The following GMDS variants were observed in gnomAD, a reference collection of about 807,000 sequenced individuals.
GMDS encodes GDP-mannose 4,6-dehydratase, also known as GDP-mannose 4,6 dehydratase.
In GMDS, 20 loss-of-function variants were observed where a neutral mutation model predicts 49.9. That is an observed-to-expected ratio of 0.40 (90% confidence interval 0.28 to 0.58). The LOEUF (loss-of-function observed/expected upper bound fraction) is 0.58. Among genes scored for constraint, GMDS ranks in the 20% least tolerant of loss-of-function variants. GMDS has a pLI of 0.42. For missense variants in GMDS, 362 were observed against 481.4 expected (o/e 0.75, Z 2.32); for synonymous variants, 177 against 178.6 (o/e 0.99, Z 0.07).
In GMDS at chr6:2,073,136, C is replaced by T. The variant is rs772069615; in HGVS notation, c.345+42635G>A. Among the ~76,000 whole-genome samples the T allele has an allele frequency of 7.9e-5, 12 of 152,250 alleles. 1 individual carries two copies. Among genetic ancestry groups the T allele is most frequent in the African/African-American group, 2.2e-4 (9 of 41,566 alleles). On this transcript the variant is annotated intron_variant, in intron 4 of 10. Coordinates refer to ENST00000380815, the MANE Select transcript of GMDS (RefSeq NM_001500.4). ...GATGCAGACCATGTTAATTTCTGCC[C>T]GCACCGCTTTGTGCCGAATGCACCA...
At chr6:1,743,281 C>T (rs374038162) in intron 7 of GMDS, among the ~76,000 whole-genome samples, 33 of 152,122 alleles carry the variant, frequency 2.2e-4, no homozygotes, top group African/African-American at 7.0e-4. Context: ...TAGCAGGGCG[C>T]GGTGGCTCAC....
intron 7 of GMDS, among the ~76,000 whole-genome samples, chr6:1,764,350 T>A (rs1322761889): frequency 2.0e-5 from 3 of 152,136 alleles, no homozygotes; most frequent in African/African-American, 7.2e-5. Flanking sequence ...TCTTTCCAAA[T>A]GAATTATTTT....
At chr6:2,134,730 A>G (rs1775908821) in intron 1 of GMDS, among the ~76,000 whole-genome samples, 1 of 124,896 alleles carries the variant, frequency 8.0e-6, no homozygotes, top group Admixed American at 7.1e-5. Context: ...GATTTGAGTC[A>G]TATAGTTAAG....
intron 7 of GMDS, among the ~76,000 whole-genome samples, chr6:1,799,204 G>A (rs1769852791): frequency 6.6e-6 from 1 of 152,138 alleles, no homozygotes; most frequent in South Asian, 2.1e-4. Context: ...GTGAGGGGAG[G>A]CAGCTAGTTC....
intron 4 of GMDS, among the ~76,000 whole-genome samples, chr6:1,993,750 G>A (rs202161591): frequency 2.3e-5 from 3 of 132,536 alleles, no homozygotes; most frequent in African/African-American, 5.6e-5. Flanking sequence ...AAAAAAAAAA[G>A]GCAGAAAAAG....
Position 2,115,802 on chromosome 6 carries a change from A to T in GMDS, c.314T>A (p.Ile105Asn), listed in dbSNP as rs1409828933. ...GTGGCTCTGGGCTCCAAGGTTGTAG[A>T]TCTCTGTGGGCTTTACTTCATTAAT... ...KIINEVKPTE[I>N]YNLGAQSHVK... Residue 105 changes from isoleucine to asparagine, a missense_variant, in exon 4 of 11, where the codon ATC becomes AAC. Coordinates refer to ENST00000380815, the MANE Select transcript of GMDS (RefSeq NM_001500.4). 1 of 1,604,598 alleles carries T rather than the reference A, an allele frequency of 6.2e-7. No individual in the cohort carries two copies. Among genetic ancestry groups the T allele is most frequent in the African/African-American group, 1.3e-5 (1 of 74,720 alleles).
At chr6:1,654,899 A>G (rs1338670467) in intron 9 of GMDS, among the ~76,000 whole-genome samples, 1 of 152,060 alleles carries the variant, frequency 6.6e-6, no homozygotes, top group African/African-American at 2.4e-5. Flanking sequence ...CATCTCTACT[A>G]AAAATACAAA....
chr6:1,765,045 C>G (rs897240286), intron 7 of GMDS, among the ~76,000 whole-genome samples: 2 of 151,926 alleles, frequency 1.3e-5, no homozygotes, highest in South Asian at 2.1e-4. Flanking sequence ...TTTTTTCCCC[C>G]CAGTGTGACT....
At chr6:1,729,417 T>C (rs898224848) in intron 8 of GMDS, among the ~76,000 whole-genome samples, 1 of 152,246 alleles carries the variant, frequency 6.6e-6, no homozygotes, top group African/African-American at 2.4e-5. Context: ...TCTAAGGGCA[T>C]GGCATTGCCC....
intron 4 of GMDS, among the ~76,000 whole-genome samples, chr6:2,078,152 G>A (rs1772457064): frequency 6.6e-6 from 1 of 151,568 alleles, no homozygotes; most frequent in South Asian, 2.1e-4. Context: ...GATTTATGTG[G>A]GTCATCTCTC....
chr6:1,927,518 G>A (rs1471423213), intron 7 of GMDS, among the ~76,000 whole-genome samples: 3 of 152,222 alleles, frequency 2.0e-5, no homozygotes, highest in African/African-American at 4.8e-5. Flanking sequence ...CACTGAACAC[G>A]ACCTTTTTGC....
chr6:1,673,209 C>T (rs773187729), intron 9 of GMDS, among the ~76,000 whole-genome samples: 2 of 152,094 alleles, frequency 1.3e-5, no homozygotes, highest in African/African-American at 4.8e-5. Flanking sequence ...CTCAGCTGAC[C>T]GATGCCTGCA....
At chr6:1,688,310 G>A (rs1765056415) in intron 9 of GMDS, among the ~76,000 whole-genome samples, 1 of 152,250 alleles carries the variant, frequency 6.6e-6, no homozygotes, top group Admixed American at 6.5e-5. Flanking sequence ...AAACTCTCAA[G>A]TGTGGGCATT....
chr6:1,909,326 G>C (rs1169732115), intron 7 of GMDS, among the ~76,000 whole-genome samples: 1 of 152,192 alleles, frequency 6.6e-6, no homozygotes, highest in Non-Finnish European at 1.5e-5. Flanking sequence ...TTTAGGTTCT[G>C]CCTACTTGTG....
chr6:2,060,694 G>A (rs1317990774), intron 4 of GMDS, among the ~76,000 whole-genome samples: 1 of 152,198 alleles, frequency 6.6e-6, no homozygotes, highest in African/African-American at 2.4e-5. Flanking sequence ...CAGACTGCAT[G>A]TCAAACAAGG....
rs979823885 is a variant in GMDS at position 1,942,748 on chromosome 6, C to T, written c.644-12518G>A. ...GGTTCCAGCTGTCCCTGAAATCGGA[C>T]GTTCCTGCCATTCCCATACTTGGGT... On this transcript the variant is annotated intron_variant, in intron 6 of 10. Transcript: ENST00000380815. 1.3e-4 allele frequency among the ~76,000 whole-genome samples: 20 copies of T among 152,188 alleles called. No homozygotes were observed. In the East Asian group the frequency reaches 1.7e-3, roughly 13 times the overall value.
intron 9 of GMDS, among the ~76,000 whole-genome samples, chr6:1,681,864 T>C (rs1466682341): frequency 6.6e-6 from 1 of 152,172 alleles, no homozygotes; most frequent in Non-Finnish European, 1.5e-5. Context: ...TGCGGCTAAT[T>C]TTTGTATTTC....
At chr6:2,075,762 G>A (rs2127463066) in intron 4 of GMDS, among the ~76,000 whole-genome samples, 1 of 152,156 alleles carries the variant, frequency 6.6e-6, no homozygotes, top group East Asian at 1.9e-4. Flanking sequence ...AATTCTTTGG[G>A]TATATACCCA....
chr6:1,851,567 C>T (rs1757672543), intron 7 of GMDS, among the ~76,000 whole-genome samples: 1 of 152,060 alleles, frequency 6.6e-6, no homozygotes, highest in Non-Finnish European at 1.5e-5. Flanking sequence ...TACTGGACAG[C>T]AGAACGAGGC....
Sources: allele counts gnomAD v4.1 joint callset (sites outside exome capture counted in the v4.1 genomes callset), GRCh38; gene constraint gnomAD v4.1.1; transcripts MANE v1.5; gene names NCBI Gene and HGNC (gene_info 2026-07-23, HGNC 2026-07-21).